The following MYBPC2 variants were observed in gnomAD, a reference collection of about 807,000 sequenced individuals.
MYBPC2 encodes myosin-binding protein C, fast-type.
MYBPC2 carries 122 observed loss-of-function variants against 137.0 expected under a neutral mutation model. The observed-to-expected ratio is 0.89, with a 90% CI of 0.77 to 1.03. The LOEUF is 1.03. Ranked by LOEUF, MYBPC2 falls within the 50% of genes least tolerant of loss-of-function variation. The probability of loss-of-function intolerance (pLI) is 0.00; values close to 1 mark genes in which losing one functional copy is unlikely to be tolerated. For missense variants in MYBPC2, 1,500 were observed against 1,534.4 expected, an observed-to-expected ratio of 0.98 and a Z score of 0.37; for synonymous variants, 626 against 612.3, an observed-to-expected ratio of 1.02 and a Z score of -0.33.
Position 50,435,508 on chromosome 19 carries a change from C to G in MYBPC2, c.109+258C>G, listed in dbSNP as rs2122575442. 6.6e-6 allele frequency among the ~76,000 whole-genome samples: 1 copy of G among 152,324 alleles called. No homozygotes were observed. The highest frequency in any genetic ancestry group is 1.9e-4 in the East Asian group (1 of 5,168). ...GTCCGGCCCCGGTCTCTCTAAACCTCTCCCGCCCCAAAGGCACATTCAGTG... is the reference window on the plus strand; with the variant it reads ...GTCCGGCCCCGGTCTCTCTAAACCTGTCCCGCCCCAAAGGCACATTCAGTG... On this transcript the variant is annotated intron_variant, in intron 2 of 27. Coordinates refer to ENST00000357701, the MANE Select transcript of MYBPC2 (RefSeq NM_004533.4). The surrounding 1 kb of genome is among the most constrained non-coding windows in gnomAD (Gnocchi z 4.8).
chr19:50,460,070 T>C lies in MYBPC2; in HGVS notation c.2822T>C (p.Val941Ala). 6.4e-7 allele frequency: 1 copy of C among 1,558,260 alleles called. No homozygotes were observed. Among genetic ancestry groups the C allele is most frequent in the Non-Finnish European group, 8.7e-7 (1 of 1,151,520 alleles). Residue 941 changes from valine to alanine, a missense_variant, in exon 24 of 28, where the codon GTG (valine) becomes GCG (alanine). By Grantham distance (64) the Val-to-Ala change is moderately conservative (BLOSUM62 0). Transcript: ENST00000357701. ...GCTGGGCCCCCCATAAACGTGATGG[T>C]GAAGGAGGTGTGGGGCACGAACGCG... The part of the protein sequence containing the change: ...EKAGPPINVM[V>A]KEVWGTNALV...
At chr19:50,459,337 C>A (rs776472409) in intron 23 of MYBPC2, 31 bp downstream of exon 23, 1 of 1,206,932 alleles carries the variant, frequency 8.3e-7, no homozygotes. Flanking sequence ...CCCTGGAGGC[C>A]GGGAGGGGCA....
In MYBPC2 at chr19:50,454,290, G is replaced by A. The variant is rs1235731752; in HGVS notation, c.1935G>A (p.Val645=). The change falls in exon 18 of 28, where the codon GTG becomes GTA. Residue 645 remains valine, a synonymous_variant. Transcript: ENST00000357701. ...ATGTCCCAGACCCCCCGGAGGCTGTGCGCATCACCTCGGTTGGAGAGGATT... is the reference window on the plus strand; with the variant it reads ...ATGTCCCAGACCCCCCGGAGGCTGTACGCATCACCTCGGTTGGAGAGGATT... The part of the protein sequence containing the change: ...VVDVPDPPEA[V]RITSVGEDWA... 1 of 1,613,996 alleles carries A rather than the reference G, an allele frequency of 6.2e-7. No homozygotes were observed. The highest frequency in any genetic ancestry group is 1.7e-5 in the Admixed American group (1 of 60,012).
chr19:50,457,981 A>G (rs2122612609), intron 20 of MYBPC2, among the ~76,000 whole-genome samples: 1 of 151,462 alleles, frequency 6.6e-6, no homozygotes, highest in Middle Eastern at 3.4e-3. Flanking sequence ...GATTACAAGC[A>G]TGTTAGGGAT....
chr19:50,451,346 G>A, intron 15 of MYBPC2, 37 bp downstream of exon 15: 1 of 1,610,658 alleles, frequency 6.2e-7, no homozygotes, highest in Non-Finnish European at 8.5e-7. Flanking sequence ...CGGGTCTGAG[G>A]GAGGAGGGAC....
chr19:50,453,966 TG>T, intron 16 of MYBPC2, 53 bp from the exon 17 acceptor site: 3 of 1,532,730 alleles, frequency 2.0e-6, no homozygotes, highest in Non-Finnish European at 2.6e-6. Flanking sequence ...GAGGCAGGCC[TG>T]GGTTTGCTTG....
intron 8 of MYBPC2, 75 bp from the exon 9 acceptor site, chr19:50,442,106 A>G: frequency 1.3e-6 from 2 of 1,508,382 alleles, no homozygotes; most frequent in Non-Finnish European, 1.8e-6. Flanking sequence ...GGGGAGGGAG[A>G]TGTGGTGCCT....
intron 26 of MYBPC2, among the ~76,000 whole-genome samples, chr19:50,463,049 G>T (rs1283386798): frequency 2.0e-5 from 3 of 152,178 alleles, no homozygotes; most frequent in African/African-American, 7.2e-5. Flanking sequence ...TGCTCTTTGT[G>T]AACAGGGACA....
In MYBPC2 at chr19:50,466,126, T is replaced by G; in HGVS notation, c.3416-69T>G. ...CCCCTGCTGGTCATGTGGATGCAGC[T>G]CCTCCTCCTGGGGCTTCAGGAGGAG... On this transcript the variant is annotated intron_variant, in intron 27 of 27. Transcript: ENST00000357701. The surrounding 1 kb of genome is among the most constrained non-coding windows in gnomAD (Gnocchi z 4.9). 6.2e-7 allele frequency: 1 copy of G among 1,606,106 alleles called. No individual in the cohort carries two copies. The highest frequency in any genetic ancestry group is 8.5e-7 in the Non-Finnish European group (1 of 1,176,192).
At chr19:50,449,047 G>T (rs1044197795) in intron 13 of MYBPC2, among the ~76,000 whole-genome samples, 1 of 151,286 alleles carries the variant, frequency 6.6e-6, no homozygotes, top group African/African-American at 2.4e-5. Context: ...AAACTTAGAG[G>T]TTTAAAAGGA....
chr19:50,434,864 G>T (rs2039687276), intron 1 of MYBPC2, among the ~76,000 whole-genome samples: 1 of 152,202 alleles, frequency 6.6e-6, no homozygotes, highest in Non-Finnish European at 1.5e-5. Flanking sequence ...GGACCCAAAA[G>T]GTCAGGGCGT....
At chr19:50,457,259 C>G (rs530248158) in intron 20 of MYBPC2, among the ~76,000 whole-genome samples, 1 of 152,336 alleles carries the variant, frequency 6.6e-6, no homozygotes, top group South Asian at 2.1e-4. Context: ...TCCTCCCTGG[C>G]CGGCTGCTCC....
chr19:50,446,154 C>A, intron 12 of MYBPC2, 102 bp downstream of exon 12: 1 of 1,320,332 alleles, frequency 7.6e-7, no homozygotes, highest in Non-Finnish European at 1.0e-6. Flanking sequence ...CCTGACTCCT[C>A]TCTTTCCCAC....
intron 4 of MYBPC2, 71 bp downstream of exon 4, chr19:50,436,231 C>T (rs2039702627): frequency 6.6e-7 from 1 of 1,511,076 alleles, no homozygotes; most frequent in East Asian, 2.5e-5. Context: ...CCTCAGAAGC[C>T]CTGTTGCCTG....
chr19:50,452,852 C>A (rs1351968044), intron 16 of MYBPC2, among the ~76,000 whole-genome samples: 3 of 152,004 alleles, frequency 2.0e-5, no homozygotes, highest in African/African-American at 7.2e-5. Flanking sequence ...GCCAACATGC[C>A]CAGCCATATC....
chr19:50,432,967 A>ACT lies in MYBPC2; in HGVS notation c.14_15insCT (p.Lys5AsnfsTer52). On this transcript the variant is annotated frameshift_variant, in exon 1 of 28. Transcript: ENST00000357701. LOFTEE classifies it high-confidence loss of function. The surrounding 1 kb of genome is among the most constrained non-coding windows in gnomAD (Gnocchi z 5.5). ...AGGTCCCCCGACATGCCTGAGGCAA[A>ACT]ACCAGGTGGCGCCAGGACCCCCTCC... 1 of 1,603,438 alleles carries ACT rather than the reference A, an allele frequency of 6.2e-7. No individual in the cohort carries two copies. Among genetic ancestry groups the ACT allele is most frequent in the Non-Finnish European group, 8.5e-7 (1 of 1,176,154 alleles).
chr19:50,461,846 G>C, intron 25 of MYBPC2, 54 bp from the exon 26 acceptor site: 1 of 1,578,386 alleles, frequency 6.3e-7, no homozygotes, highest in Non-Finnish European at 8.6e-7. Context: ...TCCCTGGTTG[G>C]TGTCAGGGGA....
chr19:50,444,294 C>CCATCCATCCATCCATCCATT (rs1568661166), intron 11 of MYBPC2, among the ~76,000 whole-genome samples: 2 of 53,982 alleles, frequency 3.7e-5, no homozygotes, highest in Non-Finnish European at 7.4e-5. Flanking sequence ...ATCCATTCAT[C>CCATCCATCCATCCATCCATT]CATCCATCCA....
rs1324716229 is a variant in MYBPC2, at chr19:50,435,991, C to T, written c.197-21C>T. ...CTTCCTGGGCCTCCTCCCACTCTAC[C>T]CTGTCACTCACCCCATGTAGGGAAG... On this transcript the variant is annotated intron_variant, in intron 3 of 27. Transcript: ENST00000357701. This position sits in a 1 kb window ranked among gnomAD's most constrained non-coding sequence, Gnocchi z 4.8. 1.3e-6 allele frequency: 2 copies of T among 1,567,964 alleles called. No homozygotes were observed. The highest frequency in any genetic ancestry group is 3.8e-5 in the Admixed American group (2 of 52,942).
Sources: gnomAD v4.1 joint callset for allele counts (sites outside exome capture counted in the v4.1 genomes callset) on GRCh38, gnomAD v4.1.1 for gene constraint, Gnocchi (gnomAD v3.1) non-coding constraint, MANE v1.5 for transcripts, NCBI Gene and HGNC (gene_info 2026-07-23, HGNC 2026-07-21) for gene names.